Variants in RALGPS1 observed in about 807,000 individuals in gnomAD.
The protein encoded by RALGPS1 is Ral GEF with PH domain and SH3 binding motif 1.
RALGPS1 carries 19 observed loss-of-function variants against 78.8 expected under a neutral mutation model. That is an observed-to-expected ratio of 0.24 (90% CI 0.17 to 0.35). RALGPS1 has a LOEUF of 0.35. Ranked by LOEUF, RALGPS1 falls within the 10% of genes least tolerant of loss-of-function variation. The pLI is 1.00. For synonymous variants in RALGPS1, 228 were observed against 256.3 expected (o/e 0.89, Z 1.06); for missense variants, 454 against 688.3 (o/e 0.66, Z 3.81).
At chr9:126,947,352 A>G (rs1025156033) in intron 1 of RALGPS1, among the ~76,000 whole-genome samples, 1 of 152,318 alleles carries the variant, frequency 6.6e-6, no homozygotes, top group Admixed American at 6.5e-5. Flanking sequence ...TGAAATAAAA[A>G]TGCTCCAAAA....
chr9:127,149,045 C>A (rs1297807346), intron 8 of RALGPS1, among the ~76,000 whole-genome samples: 1 of 152,230 alleles, frequency 6.6e-6, no homozygotes, highest in Non-Finnish European at 1.5e-5. Flanking sequence ...CCGTTGTTAG[C>A]CCTGTTTACA....
intron 6 of RALGPS1, among the ~76,000 whole-genome samples, 159 bp from the exon 7 acceptor site, chr9:127,052,688 A>G (rs1358960963): frequency 6.6e-6 from 1 of 152,254 alleles, no homozygotes; most frequent in East Asian, 1.9e-4. Context: ...AGAGGAAAAA[A>G]GCATATGGTT....
intron 14 of RALGPS1, among the ~76,000 whole-genome samples, chr9:127,201,461 C>A (rs916947184): frequency 2.0e-5 from 3 of 152,246 alleles, no homozygotes; most frequent in Admixed American, 6.5e-5. Context: ...CCCTTGGCCA[C>A]CGGCCTCCAT....
At chr9:127,138,937 A>T (rs2057585161) in intron 8 of RALGPS1, among the ~76,000 whole-genome samples, 1 of 152,204 alleles carries the variant, frequency 6.6e-6, no homozygotes, top group African/African-American at 2.4e-5. Context: ...GTTCACACTG[A>T]ATCAGAATTC....
intron 8 of RALGPS1, among the ~76,000 whole-genome samples, chr9:127,164,816 AGG>A (rs1406625019): frequency 9.2e-5 from 14 of 152,254 alleles, no homozygotes; most frequent in African/African-American, 3.4e-4. Flanking sequence ...GTGGGATTAC[AGG>A]CGCGAGCCAC....
intron 8 of RALGPS1, among the ~76,000 whole-genome samples, chr9:127,146,906 T>G (rs559401818): frequency 6.6e-6 from 1 of 152,346 alleles, no homozygotes; most frequent in East Asian, 1.9e-4. Flanking sequence ...GTAATGGGAT[T>G]GCAGGGTTGA....
intron 6 of RALGPS1, among the ~76,000 whole-genome samples, chr9:127,051,122 G>A (rs968520775): frequency 6.6e-6 from 1 of 152,204 alleles, no homozygotes; most frequent in Admixed American, 6.5e-5. Context: ...ATCTATTTAT[G>A]TTAAGAGCAA....
chr9:126,922,643 T>A (rs558461772), intron 1 of RALGPS1, among the ~76,000 whole-genome samples: 10 of 152,338 alleles, frequency 6.6e-5, no homozygotes, highest in Non-Finnish European at 1.3e-4. Context: ...CCACTAGCAT[T>A]TATAGATTGC....
intron 4 of RALGPS1, among the ~76,000 whole-genome samples, chr9:126,981,095 A>AT (rs2041206970): frequency 6.6e-6 from 1 of 152,144 alleles, no homozygotes; most frequent in Non-Finnish European, 1.5e-5. Context: ...CTCTGTGCTT[A>AT]TTAATGAGGA....
intron 3 of RALGPS1, among the ~76,000 whole-genome samples, chr9:126,967,661 C>G (rs550753614): frequency 1.3e-5 from 2 of 152,242 alleles, no homozygotes; most frequent in Non-Finnish European, 2.9e-5. Context: ...CTCAGCCTCC[C>G]AAAGTGCTGG....
chr9:127,165,070 A>G (rs2059224709), intron 8 of RALGPS1, among the ~76,000 whole-genome samples: 1 of 152,234 alleles, frequency 6.6e-6, no homozygotes, highest in Non-Finnish European at 1.5e-5. Flanking sequence ...AGAAATTTGT[A>G]ACCATTAGAT....
At chr9:127,215,323 G>A (rs2062515647) in intron 18 of RALGPS1, among the ~76,000 whole-genome samples, 1 of 152,234 alleles carries the variant, frequency 6.6e-6, no homozygotes, top group Non-Finnish European at 1.5e-5. Context: ...TTCTCAGTGT[G>A]TTTGAGCCAG....
intron 4 of RALGPS1, among the ~76,000 whole-genome samples, chr9:127,033,215 G>T (rs2046571574): frequency 1.3e-5 from 2 of 152,216 alleles, no homozygotes; most frequent in Non-Finnish European, 1.5e-5. Flanking sequence ...CCAGGAGGAG[G>T]TGTCTCGGCC....
At chr9:127,112,419 C>T (rs926663483) in intron 8 of RALGPS1, among the ~76,000 whole-genome samples, 2 of 152,232 alleles carry the variant, frequency 1.3e-5, no homozygotes, top group African/African-American at 2.4e-5. Flanking sequence ...GTGACAGACA[C>T]CTCTCTGTGC....
chr9:127,160,095 G>C (rs2058935884), intron 8 of RALGPS1, among the ~76,000 whole-genome samples: 1 of 152,220 alleles, frequency 6.6e-6, no homozygotes, highest in Non-Finnish European at 1.5e-5. Flanking sequence ...GGCGATGGGA[G>C]AACAAGGGAG....
intron 8 of RALGPS1, among the ~76,000 whole-genome samples, chr9:127,151,345 A>G (rs1203470634): frequency 6.6e-6 from 1 of 152,162 alleles, no homozygotes; most frequent in Non-Finnish European, 1.5e-5. Flanking sequence ...GGGTCTTTAT[A>G]TCTAAGTACC....
chr9:126,925,062 G>A (rs2035137331), intron 1 of RALGPS1, among the ~76,000 whole-genome samples: 2 of 151,946 alleles, frequency 1.3e-5, no homozygotes, highest in African/African-American at 4.8e-5. Flanking sequence ...GGGAGGTGGA[G>A]GTTGCGGTGA....
intron 1 of RALGPS1, among the ~76,000 whole-genome samples, chr9:126,949,671 TC>T (rs2037623667): frequency 1.3e-5 from 2 of 150,764 alleles, no homozygotes; most frequent in South Asian, 2.1e-4. Context: ...TTTGTTTTTT[TC>T]GTGTAAATTT....
chr9:127,132,719 C>T (rs757843384), intron 8 of RALGPS1, among the ~76,000 whole-genome samples: 1 of 152,234 alleles, frequency 6.6e-6, no homozygotes, highest in Non-Finnish European at 1.5e-5. Context: ...TAACATGGGC[C>T]TCATTTCTCC....
Sources: gnomAD v4.1 joint callset for allele counts (sites outside exome capture counted in the v4.1 genomes callset) on GRCh38, gnomAD v4.1.1 for gene constraint, MANE v1.5 for transcripts, NCBI Gene and HGNC (gene_info 2026-07-23, HGNC 2026-07-21) for gene names.